Variants in GRAMD1B observed in about 807,000 individuals in gnomAD.
The protein encoded by GRAMD1B is GRAM domain containing 1B, also known as protein Aster-B.
In GRAMD1B, 37 loss-of-function variants were observed where a neutral mutation model predicts 99.7. The observed-to-expected ratio is 0.37, with a 90% confidence interval of 0.29 to 0.49. The LOEUF (loss-of-function observed/expected upper bound fraction) is 0.49. Ranked by LOEUF, GRAMD1B falls within the 20% of genes least tolerant of loss-of-function variation. The pLI, the probability that GRAMD1B is intolerant of heterozygous loss-of-function variation, is 0.98. For synonymous variants in GRAMD1B, 427 were observed against 387.6 expected (o/e 1.10, Z -1.19); for missense variants, 888 against 1,009.2 (o/e 0.88, Z 1.63).
chr11:123,578,448 T>C (rs1454376464), intron 3 of GRAMD1B: 2 of 1,513,624 alleles, frequency 1.3e-6, no homozygotes, highest in Non-Finnish European at 1.8e-6. Flanking sequence ...ATCTTTTGTC[T>C]CTGTCCTTTT....
chr11:123,592,502 T>A (rs1950778662), intron 4 of GRAMD1B, among the ~76,000 whole-genome samples: 1 of 152,174 alleles, frequency 6.6e-6, no homozygotes, highest in Non-Finnish European at 1.5e-5. Flanking sequence ...TGATGATAAC[T>A]CCATGTTAGC....
Position 123,591,385 on chromosome 11 carries a change from G to T in GRAMD1B, c.685-2697G>T. The T allele has an allele frequency of 2.5e-6, 1 of 399,308 alleles. No individual in the cohort carries two copies. The highest frequency in any genetic ancestry group is 4.4e-6 in the Non-Finnish European group (1 of 226,280). The allele number at this position is 399,308 out of a possible 1,614,324, so 24.7% of individuals were successfully genotyped here. A position where few individuals can be genotyped will look rare whatever the true frequency, so the allele number is the denominator to read the frequency against. ...CCAGGCGTCGTTGGGAGGGGCAGCC[G>T]TGCTGGGCAATGGAATCACTGACGG... On this transcript the variant is annotated intron_variant, in intron 4 of 19. Coordinates refer to ENST00000635736, the MANE Select transcript of GRAMD1B (RefSeq NM_001387025.1). The surrounding 1 kb of genome is among the most constrained non-coding windows in gnomAD (Gnocchi z 4.7).
chr11:123,545,054 C>T (rs1011112101), intron 2 of GRAMD1B, among the ~76,000 whole-genome samples: 4 of 152,172 alleles, frequency 2.6e-5, no homozygotes, highest in African/African-American at 9.7e-5. Context: ...GGTCACATAC[C>T]CTCCCCTCCT....
chr11:123,422,292 G>T (rs1296959678), intron 1 of GRAMD1B, among the ~76,000 whole-genome samples: 1 of 152,196 alleles, frequency 6.6e-6, no homozygotes, highest in East Asian at 1.9e-4. Context: ...TGAGGCAAGA[G>T]TTCGCACCAA....
chr11:123,611,279 A>G (rs1048590972), intron 14 of GRAMD1B, among the ~76,000 whole-genome samples: 2 of 152,106 alleles, frequency 1.3e-5, no homozygotes, highest in Non-Finnish European at 2.9e-5. Flanking sequence ...CTGAAAAAAA[A>G]TAAAAGTTCG....
rs546434442 is a variant in GRAMD1B, at chr11:123,361,595, C to T, written c.-176+2796C>T. On this transcript the variant is annotated intron_variant, in intron 1 of 20. Transcript: ENST00000638157. ...ACACATTTCTTTTCCTGTCTAGGCA[C>T]GGTCATTCTTCAAATGGTAATAAAA... is the stretch of plus-strand genomic sequence containing the variant. Among the ~76,000 whole-genome samples the T allele has an allele frequency of 1.3e-4, 20 of 152,302 alleles. No homozygotes were observed. In the East Asian group the frequency reaches 1.9e-3, roughly 15 times the overall value.
intron 1 of GRAMD1B, among the ~76,000 whole-genome samples, chr11:123,450,525 A>G (rs977574336): frequency 1.3e-5 from 2 of 152,226 alleles, no homozygotes; most frequent in African/African-American, 4.8e-5. Flanking sequence ...TATCAGTGCA[A>G]TATTGGTCCC....
chr11:123,582,700 A>G (rs976096041), intron 3 of GRAMD1B, among the ~76,000 whole-genome samples: 16 of 152,198 alleles, frequency 1.1e-4, no homozygotes, highest in African/African-American at 2.9e-4. Context: ...CCGTCTTTAC[A>G]GAGTTCAGGT....
chr11:123,464,026 A>T (rs1386916631), intron 1 of GRAMD1B, among the ~76,000 whole-genome samples: 1 of 152,072 alleles, frequency 6.6e-6, no homozygotes, highest in East Asian at 1.9e-4. Flanking sequence ...TTAGAAGATA[A>T]CAGGGGTGGG....
chr11:123,536,154 C>T (rs1400397708), intron 2 of GRAMD1B, among the ~76,000 whole-genome samples: 1 of 152,186 alleles, frequency 6.6e-6, no homozygotes, highest in Non-Finnish European at 1.5e-5. Flanking sequence ...GTGACTCACA[C>T]CTGTAATCTC....
chr11:123,381,237 A>C (rs538282479), intron 1 of GRAMD1B, among the ~76,000 whole-genome samples: 233 of 152,170 alleles, frequency 1.5e-3, no homozygotes, highest in Non-Finnish European at 2.9e-3. Context: ...GATGGTGGTG[A>C]CGATGGCCCT....
intron 1 of GRAMD1B, among the ~76,000 whole-genome samples, chr11:123,361,775 C>A (rs1312382372): frequency 2.0e-5 from 3 of 152,128 alleles, no homozygotes; most frequent in Admixed American, 6.5e-5. Context: ...TGCTTCATAC[C>A]TGGTGGGTCT....
Position 123,560,202 on chromosome 11 carries a change from T to C in GRAMD1B, c.453-17165T>C, listed in dbSNP as rs551051104. On this transcript the variant is annotated intron_variant, in intron 2 of 19. Transcript: ENST00000635736. ...GTGTGCGTGTGTGCGCGTGTGCGTG[T>C]CTGCGCGCAAGAGGGGTGCGTGTCT... 156 of 1,031,826 alleles carry C rather than the reference T, an allele frequency of 1.5e-4. No homozygotes were observed. The African/African-American group carries it at 2.3e-3, about 15-fold the overall frequency. 63.9% of individuals were successfully genotyped at this position (1,031,826 alleles called of 1,614,324 possible).
At chr11:123,563,898 C>A (rs1947071394) in intron 2 of GRAMD1B, among the ~76,000 whole-genome samples, 2 of 152,204 alleles carry the variant, frequency 1.3e-5, no homozygotes, top group Admixed American at 1.3e-4. Context: ...CTGATTGAAG[C>A]CAGCAGCGGG....
At chr11:123,385,977 AC>A (rs1429711652) in intron 1 of GRAMD1B, among the ~76,000 whole-genome samples, 3 of 152,156 alleles carry the variant, frequency 2.0e-5, no homozygotes, top group Non-Finnish European at 4.4e-5. Context: ...ATACTTTCTC[AC>A]TTCTCTGTCC....
At chr11:123,446,386 G>A (rs576186035) in intron 1 of GRAMD1B, among the ~76,000 whole-genome samples, 31 of 151,940 alleles carry the variant, frequency 2.0e-4, no homozygotes, top group African/African-American at 6.8e-4. Context: ...GGCTAATCTC[G>A]AACTCCTGAC....
rs139017893 is a variant in GRAMD1B at position 123,447,119 on chromosome 11, T to C, written c.374+15953T>C. Among the ~76,000 whole-genome samples the C allele has an allele frequency of 6.7e-3, 1,021 of 152,092 alleles. 13 individuals are homozygous for C. The highest frequency in any genetic ancestry group is 0.023 in the African/African-American group (945 of 41,486). The stretch of plus-strand genomic sequence containing the variant: ...TCAGACTAAAGCATGAAAAAAAAAT[T>C]GATCTGAGGACAGGATCTGCTGGGT... On this transcript the variant is annotated intron_variant, in intron 1 of 19. Coordinates refer to ENST00000635736, the MANE Select transcript of GRAMD1B (RefSeq NM_001387025.1).
chr11:123,444,199 G>A (rs1949537175), intron 1 of GRAMD1B, among the ~76,000 whole-genome samples: 1 of 152,148 alleles, frequency 6.6e-6, no homozygotes, highest in Non-Finnish European at 1.5e-5. Flanking sequence ...GCTTTGCAGG[G>A]CCATTTCAAA....
At chr11:123,617,169 CTTT>C (rs34788392) in intron 17 of GRAMD1B, among the ~76,000 whole-genome samples, 2 of 133,672 alleles carry the variant, frequency 1.5e-5, no homozygotes, top group African/African-American at 2.9e-5. Context: ...TCTTTCTTTC[CTTT>C]TTTTTTTTTT....
Sources: allele counts gnomAD v4.1 joint callset (sites outside exome capture counted in the v4.1 genomes callset), GRCh38; gene constraint gnomAD v4.1.1; non-coding constraint Gnocchi (gnomAD v3.1); transcripts MANE v1.5; gene names NCBI Gene and HGNC (gene_info 2026-07-23, HGNC 2026-07-21).